The following KLF15 variants were observed in gnomAD, a reference collection of about 807,000 sequenced individuals.
KLF15 encodes the protein KLF transcription factor 15.
A neutral mutation model predicts 24.6 loss-of-function variants in KLF15; 4 were observed. That is an observed-to-expected ratio of 0.16 (90% CI 0.08 to 0.37). The LOEUF (loss-of-function observed/expected upper bound fraction) is 0.37. KLF15 is among the 10% of genes least tolerant of loss of function. The pLI, the probability that KLF15 is intolerant of heterozygous loss-of-function variation, is 1.00. For missense variants in KLF15, 496 were observed against 560.6 expected (o/e 0.88, Z 1.16); for synonymous variants, 246 against 236.3 (o/e 1.04, Z -0.37).
At chr3:126,300,752 T>G in the KLF15 span, among the ~76,000 whole-genome samples, 1 of 152,240 alleles carries the variant, frequency 6.6e-6, no homozygotes, top group Non-Finnish European at 1.5e-5. Context: ...CCCAGCCTGC[T>G]GACCGGGGCA....
At chr3:126,337,118 C>G in the KLF15 span, among the ~76,000 whole-genome samples, 1 of 57,386 alleles carries the variant, frequency 1.7e-5, no homozygotes, top group African/African-American at 1.1e-4. Flanking sequence ...TATAAAGACA[C>G]ATGCACACGT....
At chr3:126,301,278 G>T in the KLF15 span, among the ~76,000 whole-genome samples, 1 of 152,160 alleles carries the variant, frequency 6.6e-6, no homozygotes, top group Non-Finnish European at 1.5e-5. Flanking sequence ...CACGTGTTTC[G>T]CTTTCTCGCT....
intron 2 of KLF15, 83 bp downstream of exon 2, chr3:126,351,758 G>A: frequency 7.3e-7 from 1 of 1,370,694 alleles, no homozygotes; most frequent in Non-Finnish European, 9.9e-7. Context: ...TGTTAATGGT[G>A]GAAAATGGCC....
At chr3:126,295,462 G>C in the KLF15 span, among the ~76,000 whole-genome samples, 1 of 152,134 alleles carries the variant, frequency 6.6e-6, no homozygotes, top group Non-Finnish European at 1.5e-5. Context: ...TTTCCCCGTT[G>C]GTTTGGTCAA....
chr3:126,307,807 G>T, the KLF15 span, among the ~76,000 whole-genome samples: 2 of 152,202 alleles, frequency 1.3e-5, no homozygotes, highest in Admixed American at 6.5e-5. Context: ...CAGCTGGCCA[G>T]AGCCCCCAGG....
At chr3:126,327,532 G>A in the KLF15 span, among the ~76,000 whole-genome samples, 1 of 152,106 alleles carries the variant, frequency 6.6e-6, no homozygotes, top group Non-Finnish European at 1.5e-5. Flanking sequence ...TCAAACTCCA[G>A]GTGTATTTTC....
At chr3:126,288,652 G>T in the KLF15 span, among the ~76,000 whole-genome samples, 55 of 152,362 alleles carry the variant, frequency 3.6e-4, 1 homozygote, top group Non-Finnish European at 6.2e-4. Context: ...CGTGAAGTTG[G>T]CTGCGCCAAC....
the KLF15 span, among the ~76,000 whole-genome samples, chr3:126,311,729 G>A: frequency 6.6e-6 from 1 of 152,198 alleles, no homozygotes; most frequent in African/African-American, 2.4e-5. Context: ...CACTGGACAA[G>A]GCAAGAATGA....
At chr3:126,323,421 A>ATAAAACATATATATGT in the KLF15 span, among the ~76,000 whole-genome samples, 1 of 35,470 alleles carries the variant, frequency 2.8e-5, no homozygotes, top group African/African-American at 1.2e-4. Context: ...ATATATATAT[A>ATAAAACATATATATGT]TATATATATA....
chr3:126,342,920 C>A lies in KLF15; in HGVS notation c.*807G>T, dbSNP rs2082490248. The A allele has an allele frequency of 6.6e-6, 1 of 152,282 alleles. No homozygotes were observed. The highest frequency in any genetic ancestry group is 6.6e-5 in the Admixed American group (1 of 15,248). 9.4% of individuals were successfully genotyped at this position (152,282 alleles called of 1,614,324 possible). ...GCATTTCTAAATCAGGGTTGGGAGGCTCTATCTAGTTCTCTCACACCCAGG... is the reference window on the plus strand; with the variant it reads ...GCATTTCTAAATCAGGGTTGGGAGGATCTATCTAGTTCTCTCACACCCAGG... On this transcript the variant is annotated 3_prime_UTR_variant, in exon 3 of 3. Transcript: ENST00000296233.
At chr3:126,314,650 A>G in the KLF15 span, among the ~76,000 whole-genome samples, 1 of 152,162 alleles carries the variant, frequency 6.6e-6, no homozygotes, top group Non-Finnish European at 1.5e-5. Flanking sequence ...CATTCACCCC[A>G]CAGCTGCACA....
At chr3:126,349,819 C>G (rs1261558123) in intron 2 of KLF15, among the ~76,000 whole-genome samples, 1 of 152,190 alleles carries the variant, frequency 6.6e-6, no homozygotes, top group African/African-American at 2.4e-5. Flanking sequence ...CCCTGCCCGC[C>G]CTCACCAAGA....
the KLF15 span, among the ~76,000 whole-genome samples, chr3:126,324,933 A>C: frequency 9.7e-6 from 1 of 103,014 alleles, no homozygotes; most frequent in African/African-American, 4.0e-5. Flanking sequence ...AGCATTAGGT[A>C]TATCTCCCAA....
intron 2 of KLF15, among the ~76,000 whole-genome samples, chr3:126,345,422 C>A (rs1323669453): frequency 1.3e-5 from 2 of 152,074 alleles, no homozygotes; most frequent in Non-Finnish European, 2.9e-5. Context: ...GTGGGCACAG[C>A]AAGCAGCCCT....
At chr3:126,297,763 T>C in the KLF15 span, among the ~76,000 whole-genome samples, 1 of 152,142 alleles carries the variant, frequency 6.6e-6, no homozygotes, top group Non-Finnish European at 1.5e-5. Context: ...CCATTTAAGT[T>C]GCTGCAAAGG....
At chr3:126,331,998 G>C in the KLF15 span, among the ~76,000 whole-genome samples, 4 of 152,214 alleles carry the variant, frequency 2.6e-5, no homozygotes, top group Admixed American at 1.3e-4. Context: ...TGGGGGAGGG[G>C]CGCCCGCCAT....
At chr3:126,348,252 C>CTGA (rs138381407) in intron 2 of KLF15, among the ~76,000 whole-genome samples, 2,481 of 152,312 alleles carry the variant, frequency 0.016, 69 homozygotes, top group African/African-American at 0.056. Context: ...GGACAACATG[C>CTGA]TGATGCCTAC....
At position 126,352,199 on chromosome 3, in the gene KLF15, C is replaced by G. The variant is rs1352453690; in HGVS notation, c.724G>C (p.Ala242Pro). Residue 242 changes from alanine to proline, a missense_variant, in exon 2 of 3, where the codon GCC becomes CCC. Physicochemically the swap from Ala to Pro is conservative, Grantham distance 27. This residue lies in a region of KLF15 where 399 missense variants were observed against 423.1 expected (regional missense o/e 0.94). Transcript: ENST00000296233. ...TGGGCAACCTTGACATTCTCTGGGG[C>G]TTGCCCAGGGGAGGCAGGCCCTGTG... ...SGTGPASPGQ[A>P]PENVKVAQLL... The G allele has an allele frequency of 1.3e-6, 2 of 1,557,666 alleles. No individual in the cohort carries two copies. Among genetic ancestry groups the G allele is most frequent in the African/African-American group, 1.4e-5 (1 of 73,414 alleles).
the KLF15 span, among the ~76,000 whole-genome samples, chr3:126,289,867 T>C: frequency 6.6e-6 from 1 of 152,162 alleles, no homozygotes; most frequent in South Asian, 2.1e-4. Context: ...TGTGCCTTTC[T>C]CCAAAGATGA....
Sources: gnomAD v4.1 joint callset for allele counts (sites outside exome capture counted in the v4.1 genomes callset) on GRCh38, gnomAD v4.1.1 for gene constraint, gnomAD v4.1.1 regional missense constraint, MANE v1.5 for transcripts, NCBI Gene and HGNC (gene_info 2026-07-23, HGNC 2026-07-21) for gene names.